The following NCKAP5 variants were observed in gnomAD, a reference collection of about 807,000 sequenced individuals.
NCKAP5 encodes NCK associated protein 5, also known as nck-associated protein 5.
A neutral mutation model predicts 167.0 loss-of-function variants in NCKAP5; 92 were observed. The ratio of observed to expected loss-of-function variants is 0.55; its 90% confidence interval spans 0.47 to 0.66. The LOEUF (loss-of-function observed/expected upper bound fraction) is 0.66. Ranked by LOEUF, NCKAP5 falls within the 30% of genes least tolerant of loss-of-function variation. NCKAP5 has a pLI of 0.00. For synonymous variants in NCKAP5, 891 were observed against 877.4 expected (o/e 1.02, Z -0.27); for missense variants, 2,378 against 2,315.0 (o/e 1.03, Z -0.56).
chr2:133,644,754 AT>A, the NCKAP5 span, among the ~76,000 whole-genome samples: 1 of 152,016 alleles, frequency 6.6e-6, no homozygotes, highest in Non-Finnish European at 1.5e-5. Context: ...ACTATTTACA[AT>A]TTTTTTTCTC....
chr2:133,236,555 A>G (rs893054688), intron 4 of NCKAP5, among the ~76,000 whole-genome samples: 1 of 152,234 alleles, frequency 6.6e-6, no homozygotes, highest in Non-Finnish European at 1.5e-5. Context: ...ACTGAGATAC[A>G]GCATATTTCA....
At chr2:132,683,128 C>T (rs1044026352) in intron 19 of NCKAP5, among the ~76,000 whole-genome samples, 5 of 152,068 alleles carry the variant, frequency 3.3e-5, no homozygotes, top group Non-Finnish European at 7.4e-5. Context: ...AGGCCATCCA[C>T]CTGCCTCAGC....
chr2:132,859,691 C>T (rs1303258726), intron 11 of NCKAP5, among the ~76,000 whole-genome samples: 1 of 152,188 alleles, frequency 6.6e-6, no homozygotes, highest in East Asian at 1.9e-4. Flanking sequence ...TGCACACTGC[C>T]CCTGTGAAAC....
intron 3 of NCKAP5, among the ~76,000 whole-genome samples, chr2:133,462,302 G>T (rs1252454443): frequency 6.6e-6 from 1 of 152,082 alleles, no homozygotes; most frequent in Non-Finnish European, 1.5e-5. Flanking sequence ...TTGTCAGAGT[G>T]GAGCCATAAT....
chr2:133,647,642 A>G, the NCKAP5 span, among the ~76,000 whole-genome samples: 59 of 141,034 alleles, frequency 4.2e-4, no homozygotes, highest in Middle Eastern at 3.6e-3. Flanking sequence ...AGGAAGGAAG[A>G]AAGGGAGAGA....
chr2:133,007,995 A>G (rs2078024301), intron 6 of NCKAP5, among the ~76,000 whole-genome samples: 2 of 152,258 alleles, frequency 1.3e-5, no homozygotes, highest in Admixed American at 6.5e-5. Context: ...AAGAGAAGAG[A>G]ACCAGATATT....
chr2:132,929,300 A>C (rs1312747446), intron 8 of NCKAP5, among the ~76,000 whole-genome samples: 2 of 152,240 alleles, frequency 1.3e-5, no homozygotes, highest in African/African-American at 2.4e-5. Flanking sequence ...TGAAAAAAAA[A>C]ATCACACAAA....
At chr2:133,000,448 G>C (rs1293740667) in intron 6 of NCKAP5, among the ~76,000 whole-genome samples, 1 of 152,100 alleles carries the variant, frequency 6.6e-6, no homozygotes, top group Non-Finnish European at 1.5e-5. Context: ...CAACAAAGAG[G>C]ACCAGCATAC....
chr2:132,685,276 C>T (rs1295528623), intron 19 of NCKAP5, among the ~76,000 whole-genome samples: 1 of 152,120 alleles, frequency 6.6e-6, no homozygotes, highest in Non-Finnish European at 1.5e-5. Flanking sequence ...CTCCTGCCTC[C>T]AGGAAAAAAC....
At chr2:132,954,583 T>C in intron 8 of NCKAP5, 2 of 446,354 alleles carry the variant, frequency 4.5e-6, no homozygotes, top group East Asian at 7.0e-5. Flanking sequence ...TCAGTATCCA[T>C]TGAATAAATT....
chr2:132,778,242 T>G (rs576839883), intron 15 of NCKAP5, among the ~76,000 whole-genome samples: 1 of 152,162 alleles, frequency 6.6e-6, no homozygotes, highest in South Asian at 2.1e-4. Context: ...TACACAAAAA[T>G]TAGAGCTAAG....
At chr2:133,024,773 A>G (rs1176109589) in intron 6 of NCKAP5, among the ~76,000 whole-genome samples, 1 of 152,204 alleles carries the variant, frequency 6.6e-6, no homozygotes, top group African/African-American at 2.4e-5. Context: ...CTTATTTATC[A>G]ACTTTATATG....
intron 4 of NCKAP5, among the ~76,000 whole-genome samples, chr2:133,215,469 A>G (rs890114465): frequency 6.6e-6 from 1 of 152,088 alleles, no homozygotes; most frequent in Admixed American, 6.5e-5. Context: ...CAGCAATTCC[A>G]CTCTGAGCTC....
chr2:133,471,421 T>C (rs879693693), intron 3 of NCKAP5, among the ~76,000 whole-genome samples: 1 of 152,154 alleles, frequency 6.6e-6, no homozygotes. Flanking sequence ...AAAAAGCAAA[T>C]GACATTTCTC....
chr2:133,001,141 A>G (rs2077763247), intron 6 of NCKAP5, among the ~76,000 whole-genome samples: 1 of 152,176 alleles, frequency 6.6e-6, no homozygotes, highest in Admixed American at 6.5e-5. Flanking sequence ...TTATCAAAAA[A>G]AGAGAACTGT....
intron 11 of NCKAP5, among the ~76,000 whole-genome samples, chr2:132,855,155 A>AT (rs1259482796): frequency 6.6e-6 from 1 of 151,994 alleles, no homozygotes; most frequent in Admixed American, 6.6e-5. Context: ...GAACTGTGTG[A>AT]TTTTTCAAAG....
intron 6 of NCKAP5, among the ~76,000 whole-genome samples, chr2:133,002,514 C>T (rs2077820650): frequency 6.6e-6 from 1 of 152,148 alleles, no homozygotes; most frequent in South Asian, 2.1e-4. Flanking sequence ...GAAAGTGAAA[C>T]CTCAGAAAAG....
At chr2:133,594,515 G>A in the NCKAP5 span, among the ~76,000 whole-genome samples, 1 of 152,130 alleles carries the variant, frequency 6.6e-6, no homozygotes, top group African/African-American at 2.4e-5. Flanking sequence ...CCGACACTAA[G>A]TAGGTATGCA....
At chr2:133,324,234 G>A (rs1682272826) in intron 3 of NCKAP5, among the ~76,000 whole-genome samples, 1 of 152,256 alleles carries the variant, frequency 6.6e-6, no homozygotes, top group Non-Finnish European at 1.5e-5. Context: ...TACCTCTGGG[G>A]ATGGCTCAAG....
Sources: gnomAD v4.1 joint callset for allele counts (sites outside exome capture counted in the v4.1 genomes callset) on GRCh38, gnomAD v4.1.1 for gene constraint, MANE v1.5 for transcripts, NCBI Gene and HGNC (gene_info 2026-07-23, HGNC 2026-07-21) for gene names.